The following LARS2 variants were observed in gnomAD, a reference collection of about 807,000 sequenced individuals.
LARS2 encodes the protein leucine--tRNA ligase, mitochondrial.
Under a neutral mutation model 116.6 loss-of-function variants are expected in LARS2, and 81 were observed. The observed-to-expected ratio is 0.69, with a 90% CI of 0.58 to 0.84. The LOEUF (loss-of-function observed/expected upper bound fraction) is 0.84. Among genes scored for constraint, LARS2 ranks in the 40% least tolerant of loss-of-function variants. The pLI is 0.00. For synonymous variants in LARS2, 396 were observed against 407.2 expected (o/e 0.97, Z 0.33); for missense variants, 968 against 1,114.5 (o/e 0.87, Z 1.87).
chr3:45,478,353 A>G (rs1368606266), intron 10 of LARS2, among the ~76,000 whole-genome samples: 1 of 152,248 alleles, frequency 6.6e-6, no homozygotes, highest in Non-Finnish European at 1.5e-5. Context: ...TCTAGCCCTT[A>G]CATTTTCTCT....
chr3:45,507,408 CTA>C (rs1412974262), intron 15 of LARS2, among the ~76,000 whole-genome samples: 2 of 152,062 alleles, frequency 1.3e-5, no homozygotes, highest in African/African-American at 4.8e-5. Flanking sequence ...AGCCTTAAAA[CTA>C]TTCATTTTTG....
At chr3:45,508,920 A>T (rs1700238517) in intron 15 of LARS2, among the ~76,000 whole-genome samples, 1 of 151,182 alleles carries the variant, frequency 6.6e-6, no homozygotes, top group South Asian at 2.1e-4. Context: ...TCCTTCTTCC[A>T]AGTGGGACAA....
intron 7 of LARS2, among the ~76,000 whole-genome samples, chr3:45,448,623 C>T (rs1440490668): frequency 6.6e-6 from 1 of 152,186 alleles, no homozygotes; most frequent in Non-Finnish European, 1.5e-5. Flanking sequence ...ATTAGCATTG[C>T]TTCTATAGAT....
In LARS2 at chr3:45,485,737, A is replaced by G. The variant is rs1360238575; in HGVS notation, c.1064A>G (p.Glu355Gly). The G allele has an allele frequency of 6.2e-7, 1 of 1,611,886 alleles. No individual in the cohort carries two copies. The highest frequency in any genetic ancestry group is 2.2e-5 in the East Asian group (1 of 44,744). The change falls in exon 11 of 22, where the codon GAG (glutamate) becomes GGG (glycine). Residue 355 changes from glutamate (E) to glycine (G), a missense_variant. Transcript: ENST00000645846. ...GCTGTGAACATGCTTACCCAGCAGG[A>G]GGTCCCTGTCGTTATTTTGGCCAAA... ...VMAVNMLTQQ[E>G]VPVVILAKAD...
intron 21 of LARS2, 55 bp downstream of exon 21, chr3:45,542,011 C>G: frequency 6.2e-7 from 1 of 1,602,440 alleles, no homozygotes; most frequent in East Asian, 2.2e-5. Context: ...GCTGGTGGCC[C>G]CTAAATACTG....
intron 7 of LARS2, among the ~76,000 whole-genome samples, chr3:45,458,271 A>G (rs60843512): frequency 6.6e-6 from 1 of 152,300 alleles, no homozygotes; most frequent in African/African-American, 2.4e-5. Flanking sequence ...GGAAGCACAG[A>G]GGAAATTAAT....
intron 8 of LARS2, among the ~76,000 whole-genome samples, chr3:45,462,427 AAAAAAG>A (rs745395557): frequency 2.4e-4 from 36 of 151,576 alleles, no homozygotes; most frequent in Middle Eastern, 6.9e-3. Context: ...ACCAAAAAAA[AAAAAAG>A]AAAGAAAGAA....
intron 4 of LARS2, among the ~76,000 whole-genome samples, chr3:45,403,112 CAAAAAAAA>C (rs1160287597): frequency 7.0e-5 from 6 of 85,398 alleles, no homozygotes; most frequent in Non-Finnish European, 6.2e-5. Flanking sequence ...TCTCCAAAGA[CAAAAAAAA>C]AAAAAAAAAA....
intron 15 of LARS2, among the ~76,000 whole-genome samples, chr3:45,511,386 G>A (rs894338863): frequency 6.6e-6 from 1 of 152,130 alleles, no homozygotes; most frequent in African/African-American, 2.4e-5. Flanking sequence ...AAATAATAGT[G>A]TTAGCAGTCA....
rs1480858988 is a variant in LARS2, at chr3:45,503,165, T to G, written c.1760+2586T>G. Among the ~76,000 whole-genome samples, 2 of 152,016 alleles carry G rather than the reference T, an allele frequency of 1.3e-5. 1 individual carries two copies. Among genetic ancestry groups the G allele is most frequent in the Non-Finnish European group, 2.9e-5 (2 of 67,984 alleles). ...AATCCAAGATCACTTTAAACTGAAT[T>G]TTCTGCTTGAGGTTTTTAGGACCAT... On this transcript the variant is annotated intron_variant, in intron 15 of 21. Coordinates refer to ENST00000645846, the MANE Select transcript of LARS2 (RefSeq NM_015340.4).
intron 13 of LARS2, among the ~76,000 whole-genome samples, chr3:45,492,558 G>A (rs142513877): frequency 1.3e-5 from 2 of 152,328 alleles, no homozygotes; most frequent in East Asian, 3.9e-4. Context: ...ACCACGTAGT[G>A]TAATTGGAAG....
chr3:45,482,398 G>A (rs901474232), intron 10 of LARS2, among the ~76,000 whole-genome samples: 5 of 152,042 alleles, frequency 3.3e-5, no homozygotes, highest in African/African-American at 1.2e-4. Flanking sequence ...TTGGTCAAAG[G>A]TTACAAACAT....
chr3:45,454,087 C>T (rs1177260361), intron 7 of LARS2, among the ~76,000 whole-genome samples: 20 of 151,960 alleles, frequency 1.3e-4, no homozygotes, highest in Admixed American at 1.1e-3. Context: ...AGATGAGAGG[C>T]GTGAGGGTTT....
intron 20 of LARS2, among the ~76,000 whole-genome samples, chr3:45,537,182 C>T (rs556813604): frequency 2.6e-5 from 4 of 152,228 alleles, no homozygotes; most frequent in Admixed American, 6.5e-5. Context: ...TTTTCCTTCT[C>T]AATATTTGCC....
At chr3:45,410,676 A>G (rs896077782) in intron 4 of LARS2, among the ~76,000 whole-genome samples, 3 of 152,156 alleles carry the variant, frequency 2.0e-5, no homozygotes, top group African/African-American at 4.8e-5. Context: ...ATTTTCTCAG[A>G]CATTTCTACA....
intron 8 of LARS2, among the ~76,000 whole-genome samples, chr3:45,467,674 G>A (rs984825746): frequency 2.0e-5 from 3 of 152,162 alleles, no homozygotes; most frequent in Admixed American, 1.3e-4. Context: ...ATGTCTTAGA[G>A]TGAATAGAAG....
intron 4 of LARS2, among the ~76,000 whole-genome samples, chr3:45,405,440 A>T (rs1291960620): frequency 2.0e-5 from 3 of 152,244 alleles, no homozygotes; most frequent in Non-Finnish European, 4.4e-5. Flanking sequence ...TTTTAAAAGC[A>T]TACAACTCCT....
At chr3:45,542,904 A>G (rs182367777) in intron 21 of LARS2, among the ~76,000 whole-genome samples, 2 of 152,264 alleles carry the variant, frequency 1.3e-5, no homozygotes, top group African/African-American at 2.4e-5. Flanking sequence ...AAAGAGTAAG[A>G]TAAATAAAAT....
chr3:45,546,007 C>T (rs966364289), intron 21 of LARS2, among the ~76,000 whole-genome samples: 1 of 151,944 alleles, frequency 6.6e-6, no homozygotes, highest in Non-Finnish European at 1.5e-5. Context: ...CTTGTAAGAC[C>T]AGGCCTAAGA....
Sources: allele counts gnomAD v4.1 joint callset (sites outside exome capture counted in the v4.1 genomes callset), GRCh38; gene constraint gnomAD v4.1.1; transcripts MANE v1.5; gene names NCBI Gene and HGNC (gene_info 2026-07-23, HGNC 2026-07-21).